GPHN: variants seen among roughly 807,000 people sequenced by gnomAD.
GPHN encodes the protein gephyrin.
Under a neutral mutation model 95.5 loss-of-function variants are expected in GPHN, and 17 were observed. That is an observed-to-expected ratio of 0.18 (90% CI 0.12 to 0.27). The LOEUF is 0.27. Among genes scored for constraint, GPHN ranks in the 10% least tolerant of loss-of-function variants. GPHN has a pLI of 1.00. For synonymous variants in GPHN, 320 were observed against 322.5 expected, an observed-to-expected ratio of 0.99 and a Z score of 0.08; for missense variants, 660 against 978.1, an observed-to-expected ratio of 0.67 and a Z score of 4.34.
chr14:67,366,065 A>G, the GPHN span, among the ~76,000 whole-genome samples: 2 of 151,576 alleles, frequency 1.3e-5, no homozygotes, highest in African/African-American at 4.8e-5. Flanking sequence ...TACCTAAAGT[A>G]GTGTCTAATC....
intron 17 of GPHN, among the ~76,000 whole-genome samples, chr14:67,122,910 AC>A (rs1203963805): frequency 6.6e-6 from 1 of 152,164 alleles, no homozygotes; most frequent in Non-Finnish European, 1.5e-5. Flanking sequence ...AGAGCCTATT[AC>A]CCCCATCTAC....
the GPHN span, among the ~76,000 whole-genome samples, chr14:67,273,197 A>G: frequency 1.3e-5 from 2 of 150,912 alleles, no homozygotes; most frequent in Admixed American, 6.6e-5. Flanking sequence ...TGCATGTGCC[A>G]TGTTGGTGTG....
At chr14:67,453,243 A>G in the GPHN span, among the ~76,000 whole-genome samples, 1 of 152,214 alleles carries the variant, frequency 6.6e-6, no homozygotes, top group Admixed American at 6.5e-5. Context: ...GGCTCTGTCA[A>G]GGAGGCTGGG....
At chr14:66,556,413 C>T (rs553542455) in intron 1 of GPHN, among the ~76,000 whole-genome samples, 2 of 152,104 alleles carry the variant, frequency 1.3e-5, no homozygotes, top group Non-Finnish European at 2.9e-5. Context: ...AAAGAGATGT[C>T]GTTAATGGTT....
Position 67,089,014 on chromosome 14 carries a change from A to G in GPHN, c.1176A>G (p.Val392=), listed in dbSNP as rs200461676. The G allele has an allele frequency of 3.7e-6, 6 of 1,602,798 alleles. No homozygotes were observed. Among genetic ancestry groups the G allele is most frequent in the East Asian group, 2.2e-5 (1 of 44,812 alleles). Residue 392 remains valine, a synonymous_variant, in exon 12 of 23, where the codon GTA becomes GTG. Transcript: ENST00000478722. The part of the protein sequence containing the change: ...DGMGRVLAQD[V]YAKDNLPPFP... ...TGGGGCGAGTCCTTGCTCAAGATGT[A>G]TATGCAAAAGACAATTTACCCCCCT...
chr14:67,495,930 C>T, the GPHN span, among the ~76,000 whole-genome samples: 1 of 152,262 alleles, frequency 6.6e-6, no homozygotes, highest in Non-Finnish European at 1.5e-5. Flanking sequence ...AACACCTCAG[C>T]ACCATCACAG....
At chr14:66,890,557 A>T (rs2064428912) in intron 5 of GPHN, among the ~76,000 whole-genome samples, 1 of 152,204 alleles carries the variant, frequency 6.6e-6, no homozygotes, top group African/African-American at 2.4e-5. Flanking sequence ...TGAAGAGAAG[A>T]CAACACTTCC....
the GPHN span, among the ~76,000 whole-genome samples, chr14:67,280,876 C>CCTCT: frequency 7.3e-6 from 1 of 136,128 alleles, no homozygotes; most frequent in African/African-American, 2.8e-5. Context: ...TCCCTCCCTC[C>CCTCT]CTCCCTTTTC....
chr14:66,726,882 G>A (rs1488019763), intron 2 of GPHN, among the ~76,000 whole-genome samples: 1 of 152,108 alleles, frequency 6.6e-6, no homozygotes, highest in Non-Finnish European at 1.5e-5. Context: ...TTAAAATATT[G>A]TATAAAAATC....
At position 67,115,914 on chromosome 14, in the gene GPHN, A is replaced by G. The variant is rs145564712; in HGVS notation, c.1626+2743A>G. 2.6e-4 allele frequency among the ~76,000 whole-genome samples: 40 copies of G among 152,294 alleles called. No individual in the cohort carries two copies. In the East Asian group the frequency reaches 7.7e-3, roughly 29 times the overall value. On this transcript the variant is annotated intron_variant, in intron 16 of 22. Coordinates refer to ENST00000478722, the MANE Select transcript of GPHN (RefSeq NM_020806.5). The stretch of plus-strand genomic sequence containing the variant: ...GTATGAGCTTGTTAAGGACCAGCAA[A>G]TTATTTCAAAATTGGGGATATAGAG...
At chr14:67,418,099 G>A in the GPHN span, among the ~76,000 whole-genome samples, 1 of 152,190 alleles carries the variant, frequency 6.6e-6, no homozygotes, top group African/African-American at 2.4e-5. Context: ...CATATTTACT[G>A]TGTTCCTACT....
At chr14:67,541,132 A>G in the GPHN span, among the ~76,000 whole-genome samples, 10 of 152,252 alleles carry the variant, frequency 6.6e-5, no homozygotes, top group African/African-American at 2.4e-4. Context: ...AACAATGGAC[A>G]CAATCCCATC....
intron 1 of GPHN, among the ~76,000 whole-genome samples, chr14:66,601,612 A>T (rs2062248726): frequency 6.6e-6 from 1 of 151,956 alleles, no homozygotes. Flanking sequence ...CATTAATTGG[A>T]AGTCTTAAAG....
At chr14:67,627,296 A>G in the GPHN span, among the ~76,000 whole-genome samples, 1 of 135,572 alleles carries the variant, frequency 7.4e-6, no homozygotes, top group African/African-American at 3.1e-5. Flanking sequence ...AAACTTCTGA[A>G]TTGCTAATAT....
intron 1 of GPHN, among the ~76,000 whole-genome samples, chr14:66,680,596 T>C (rs1184239196): frequency 6.6e-6 from 1 of 152,232 alleles, no homozygotes; most frequent in African/African-American, 2.4e-5. Flanking sequence ...AGTGTCCTTC[T>C]TTCTTAGCTA....
the GPHN span, among the ~76,000 whole-genome samples, chr14:67,431,468 C>A: frequency 6.7e-6 from 1 of 148,386 alleles, no homozygotes; most frequent in Non-Finnish European, 1.5e-5. Flanking sequence ...GTAGGAGAAT[C>A]GCTTGAGCCC....
At chr14:67,101,118 A>G (rs1029565375) in intron 13 of GPHN, among the ~76,000 whole-genome samples, 1 of 152,164 alleles carries the variant, frequency 6.6e-6, no homozygotes, top group Admixed American at 6.5e-5. Flanking sequence ...ATGTCATAGT[A>G]TTATTAGTAT....
the GPHN span, among the ~76,000 whole-genome samples, chr14:67,255,993 C>T: frequency 6.6e-6 from 1 of 152,190 alleles, no homozygotes; most frequent in African/African-American, 2.4e-5. Context: ...GCTCAACCAA[C>T]TGACTTTAAT....
At chr14:67,564,574 C>A in the GPHN span, among the ~76,000 whole-genome samples, 8,497 of 152,220 alleles carry the variant, frequency 0.056, 274 homozygotes, top group Non-Finnish European at 0.078. Flanking sequence ...CCTCCTACTT[C>A]AGCCTTCTAA....
Sources: allele counts gnomAD v4.1 joint callset (sites outside exome capture counted in the v4.1 genomes callset), GRCh38; gene constraint gnomAD v4.1.1; transcripts MANE v1.5; gene names NCBI Gene and HGNC (gene_info 2026-07-23, HGNC 2026-07-21).